TIAM1: variants seen among roughly 807,000 people sequenced by gnomAD.
The protein encoded by TIAM1 is rho guanine nucleotide exchange factor TIAM1.
In TIAM1, 65 loss-of-function variants were observed where a neutral mutation model predicts 163.5. The observed-to-expected ratio is 0.40, with a 90% CI of 0.33 to 0.49. TIAM1 has a LOEUF of 0.49. TIAM1 is among the 20% of genes least tolerant of loss of function. TIAM1 has a pLI of 0.77. For missense variants in TIAM1, 1,789 were observed against 2,044.7 expected (o/e 0.87, Z 2.41); for synonymous variants, 833 against 810.1 (o/e 1.03, Z -0.48).
chr21:31,436,951 C>T (rs968184642), intron 2 of TIAM1, among the ~76,000 whole-genome samples: 1 of 151,992 alleles, frequency 6.6e-6, no homozygotes, highest in Non-Finnish European at 1.5e-5. Context: ...CAGTGAGATT[C>T]CATCTCAACA....
chr21:31,127,104 G>C lies in TIAM1; in HGVS notation c.4094C>G (p.Ser1365Cys). 6.2e-7 allele frequency: 1 copy of C among 1,614,068 alleles called. No individual in the cohort carries two copies. Among genetic ancestry groups the C allele is most frequent in the Non-Finnish European group, 8.5e-7 (1 of 1,179,940 alleles). ...VCEIVHVKSESEGRPERVFHL... is the reference protein window; with the variant it reads ...VCEIVHVKSECEGRPERVFHL... ...AAAGACCCTCTCCGGCCTCCCTTCA[G>C]ACTCGGATTTTACATGGACAATTTC... The change falls in exon 26 of 28, where the codon TCT (serine) becomes TGT (cysteine). Residue 1365 changes from serine to cysteine, a missense_variant. Physicochemically the swap from Ser to Cys is moderately radical, Grantham distance 112 (BLOSUM62 -1). Coordinates refer to ENST00000541036, the MANE Select transcript of TIAM1 (RefSeq NM_001353694.2).
In TIAM1 at chr21:31,118,894, A is replaced by T. The variant is rs1254317921; in HGVS notation, c.*1474T>A. 1 of 293,280 alleles carries T rather than the reference A, an allele frequency of 3.4e-6. No homozygotes were observed. Among genetic ancestry groups the T allele is most frequent in the Non-Finnish European group, 6.7e-6 (1 of 149,786 alleles). 18.2% of individuals were successfully genotyped at this position (293,280 alleles called of 1,614,324 possible). A position where few individuals can be genotyped will look rare whatever the true frequency, so the allele number is the denominator to read the frequency against. On this transcript the variant is annotated 3_prime_UTR_variant, in exon 28 of 28. Transcript: ENST00000541036. ...GAGGCACAAGAGCATGATGTACTGA[A>T]CTCTCTATTGTCTGGAAATATAAAG...
Position 31,124,668 on chromosome 21 carries a change from A to G in TIAM1, c.4160T>C (p.Leu1387Pro), listed in dbSNP as rs746695286. Reference protein sequence around the residue: ...CSSPESRKDFLKAVHSILRDK... With the variant: ...CSSPESRKDFPKAVHSILRDK... ...ACGCAGGATTGAATGCACAGCCTTT[A>G]GGAAATCCTTTCGGCTCTCTGGGGA... The change falls in exon 27 of 28, where the codon CTA becomes CCA. Residue 1387 changes from leucine to proline, a missense_variant. Leu to Pro is a moderately conservative substitution (Grantham distance 98). Around this residue, in one of 5 missense-constraint regions of TIAM1, gnomAD observed 415 missense variants for 439.2 expected, o/e 0.94. Transcript: ENST00000541036. 5 of 1,599,714 alleles carry G rather than the reference A, an allele frequency of 3.1e-6. No homozygotes were observed. Among genetic ancestry groups the G allele is most frequent in the Non-Finnish European group, 4.3e-6 (5 of 1,172,716 alleles).
At chr21:31,446,314 T>C (rs1227844226) in intron 2 of TIAM1, among the ~76,000 whole-genome samples, 5 of 152,184 alleles carry the variant, frequency 3.3e-5, no homozygotes, top group Non-Finnish European at 1.5e-5. Flanking sequence ...CAAGCTCTAG[T>C]TGCTTTCTAC....
At chr21:31,135,762 G>A (rs1454785024) in intron 23 of TIAM1, among the ~76,000 whole-genome samples, 171 bp downstream of exon 23, 3 of 152,142 alleles carry the variant, frequency 2.0e-5, no homozygotes, top group East Asian at 1.9e-4. Flanking sequence ...AATTTAACTC[G>A]AAGGTTTCAT....
At chr21:31,155,936 C>T (rs574851056) in intron 16 of TIAM1, among the ~76,000 whole-genome samples, 3 of 152,328 alleles carry the variant, frequency 2.0e-5, no homozygotes, top group African/African-American at 4.8e-5. Context: ...CTATCATCCA[C>T]CTACCTAGCA....
chr21:31,521,898 GTC>G (rs770918716), intron 1 of TIAM1, among the ~76,000 whole-genome samples: 2 of 152,034 alleles, frequency 1.3e-5, no homozygotes, highest in Admixed American at 1.3e-4. Flanking sequence ...TGGAGACGGA[GTC>G]TCTCTCTGTC....
At chr21:31,397,872 A>G (rs558576227) in intron 2 of TIAM1, among the ~76,000 whole-genome samples, 2 of 152,322 alleles carry the variant, frequency 1.3e-5, no homozygotes, top group East Asian at 1.9e-4. Flanking sequence ...CACACTAACC[A>G]TTTACAGATA....
chr21:31,202,096 G>A (rs2833334), intron 12 of TIAM1, among the ~76,000 whole-genome samples: 26,195 of 151,856 alleles, frequency 0.17, 3,332 homozygotes, highest in East Asian at 0.4. Context: ...TCCCCGAGAA[G>A]CTATATAAAT....
intron 2 of TIAM1, among the ~76,000 whole-genome samples, chr21:31,384,146 C>T (rs1267163043): frequency 7.2e-5 from 11 of 151,964 alleles, no homozygotes; most frequent in Admixed American, 7.2e-4. Context: ...CAGTCTCAAG[C>T]AGGGGACTGG....
chr21:31,199,070 T>C (rs2086042558), intron 12 of TIAM1, among the ~76,000 whole-genome samples: 1 of 152,220 alleles, frequency 6.6e-6, no homozygotes, highest in South Asian at 2.1e-4. Flanking sequence ...ATTAAATCAA[T>C]AATGTTGCAA....
At chr21:31,256,643 G>T (rs1232889391) in intron 4 of TIAM1, among the ~76,000 whole-genome samples, 1 of 48,872 alleles carries the variant, frequency 2.0e-5, no homozygotes, top group African/African-American at 6.4e-5. Context: ...ATTATCTTTG[G>T]CTCTCAGTAT....
At chr21:31,319,981 C>T (rs1238144978) in intron 2 of TIAM1, among the ~76,000 whole-genome samples, 1 of 151,960 alleles carries the variant, frequency 6.6e-6, no homozygotes, top group Non-Finnish European at 1.5e-5. Context: ...GTTGTTGTTG[C>T]TGAGTTGTTT....
At chr21:31,255,472 G>A (rs2072046652) in intron 4 of TIAM1, among the ~76,000 whole-genome samples, 1 of 152,144 alleles carries the variant, frequency 6.6e-6, no homozygotes, top group African/African-American at 2.4e-5. Context: ...TCATTGTGTT[G>A]CAAACTTACT....
intron 13 of TIAM1, among the ~76,000 whole-genome samples, chr21:31,192,986 T>G (rs56357513): frequency 0.013 from 1,968 of 152,236 alleles, 47 homozygotes; most frequent in African/African-American, 0.044. Context: ...TTGGTGGCTG[T>G]CTGTTACCTC....
intron 1 of TIAM1, among the ~76,000 whole-genome samples, chr21:31,504,355 G>C (rs766179079): frequency 6.6e-6 from 1 of 152,182 alleles, no homozygotes; most frequent in Non-Finnish European, 1.5e-5. Flanking sequence ...ACCCTTTGGG[G>C]TAATTCATTC....
chr21:31,433,659 G>A (rs2044116233), intron 2 of TIAM1, among the ~76,000 whole-genome samples: 1 of 152,218 alleles, frequency 6.6e-6, no homozygotes, highest in Non-Finnish European at 1.5e-5. Flanking sequence ...CCTTTAAGAT[G>A]AGGGTGGTAA....
chr21:31,210,085 G>T lies in TIAM1; in HGVS notation c.2348C>A (p.Pro783Gln). The change falls in exon 11 of 28, where the codon CCA (proline) becomes CAA (glutamine). Residue 783 changes from proline to glutamine, a missense_variant. Transcript: ENST00000541036. ...NNQPALTVVR[P>Q]GDTARDTLEL... ...CAGGGTGTCCCGTGCAGTGTCGCCT[G>T]GCCGGACGACCGTCAGGGCAGGCTG... 1 of 1,614,120 alleles carries T rather than the reference G, an allele frequency of 6.2e-7. No individual in the cohort carries two copies. Among genetic ancestry groups the T allele is most frequent in the Non-Finnish European group, 8.5e-7 (1 of 1,180,024 alleles).
intron 2 of TIAM1, among the ~76,000 whole-genome samples, chr21:31,371,676 G>A (rs551916146): frequency 2.6e-5 from 4 of 152,326 alleles, no homozygotes; most frequent in African/African-American, 9.6e-5. Flanking sequence ...ACCACTCTAA[G>A]AGGAATGACC....
Sources: gnomAD v4.1 joint callset for allele counts (sites outside exome capture counted in the v4.1 genomes callset) on GRCh38, gnomAD v4.1.1 for gene constraint, gnomAD v4.1.1 regional missense constraint, MANE v1.5 for transcripts, NCBI Gene and HGNC (gene_info 2026-07-23, HGNC 2026-07-21) for gene names.